PPP2R2B: variants seen among roughly 807,000 people sequenced by gnomAD.
PPP2R2B encodes the protein protein phosphatase 2 regulatory subunit Bbeta, also known as serine/threonine-protein phosphatase 2A 55 kDa regulatory subunit B beta isoform.
In PPP2R2B, 5 loss-of-function variants were observed where a neutral mutation model predicts 46.0. That is an observed-to-expected ratio of 0.11 (90% CI 0.06 to 0.23). The LOEUF is 0.23. Ranked by LOEUF, PPP2R2B falls within the 10% of genes least tolerant of loss-of-function variation. The pLI is 1.00. For missense variants in PPP2R2B, 367 were observed against 575.0 expected (o/e 0.64, Z 3.70); for synonymous variants, 215 against 206.7 (o/e 1.04, Z -0.34).
At chr5:146,954,975 A>T (rs1751818136) in intron 1 of PPP2R2B, among the ~76,000 whole-genome samples, 4 of 152,178 alleles carry the variant, frequency 2.6e-5, no homozygotes, top group South Asian at 4.1e-4. Context: ...CTGTATAGGA[A>T]GAACCATGAT....
chr5:146,964,706 T>C (rs1239356740), intron 1 of PPP2R2B, among the ~76,000 whole-genome samples: 1 of 152,020 alleles, frequency 6.6e-6, no homozygotes, highest in Non-Finnish European at 1.5e-5. Flanking sequence ...TTTGTATTTT[T>C]AGTAGAGACA....
intron 5 of PPP2R2B, among the ~76,000 whole-genome samples, chr5:146,668,536 G>A (rs1777146152): frequency 6.6e-6 from 1 of 152,046 alleles, no homozygotes; most frequent in African/African-American, 2.4e-5. Flanking sequence ...AATTTATCCT[G>A]AACTGAAGAA....
rs1327920417 is a variant in PPP2R2B, at chr5:146,989,237, T to G, written c.79+66428A>C. Reference sequence around the variant, plus strand: ...AAAAAGCTAAAGTGAACCGAATAGTTCCATATTCATTCTACAAGGCCAGCA... The same window carrying G: ...AAAAAGCTAAAGTGAACCGAATAGTGCCATATTCATTCTACAAGGCCAGCA... On this transcript the variant is annotated intron_variant, in intron 1 of 8. Coordinates refer to the PPP2R2B transcript ENST00000336640. Among the ~76,000 whole-genome samples, 985 of 152,000 alleles carry G rather than the reference T, an allele frequency of 6.5e-3. 7 individuals carry two copies. Among genetic ancestry groups the G allele is most frequent in the African/African-American group, 0.023 (941 of 41,496 alleles).
intron 1 of PPP2R2B, among the ~76,000 whole-genome samples, chr5:147,012,533 C>T (rs1265780804): frequency 6.6e-6 from 1 of 152,096 alleles, no homozygotes; most frequent in Non-Finnish European, 1.5e-5. Flanking sequence ...AAACCAGCTC[C>T]TGGATTCATT....
chr5:146,727,284 G>GAT (rs1751934382), intron 2 of PPP2R2B, among the ~76,000 whole-genome samples: 5 of 149,964 alleles, frequency 3.3e-5, no homozygotes, highest in Admixed American at 3.3e-4. Context: ...AAGTCTTAAA[G>GAT]GGTAGGATTA....
At chr5:146,713,112 G>A (rs1346003616) in intron 2 of PPP2R2B, among the ~76,000 whole-genome samples, 1 of 152,174 alleles carries the variant, frequency 6.6e-6, no homozygotes, top group Non-Finnish European at 1.5e-5. Context: ...CATTTTCAGG[G>A]AGGCTGCAAT....
intron 9 of PPP2R2B, among the ~76,000 whole-genome samples, chr5:146,592,447 T>C (rs1176254492): frequency 6.6e-6 from 1 of 152,218 alleles, no homozygotes; most frequent in East Asian, 1.9e-4. Flanking sequence ...AAATGAACTA[T>C]TGGGAGGTAT....
chr5:146,794,719 T>C (rs1413439345), intron 2 of PPP2R2B, among the ~76,000 whole-genome samples: 1 of 152,208 alleles, frequency 6.6e-6, no homozygotes, highest in Admixed American at 6.5e-5. Flanking sequence ...CATTACCAAC[T>C]GTTTGCACAT....
At chr5:146,640,609 C>T (rs1561795493) in intron 6 of PPP2R2B, among the ~76,000 whole-genome samples, 1 of 152,184 alleles carries the variant, frequency 6.6e-6, no homozygotes, top group Non-Finnish European at 1.5e-5. Context: ...CTCTTTTCTC[C>T]AAATAGGGAA....
chr5:146,650,787 A>C (rs1427517001), intron 5 of PPP2R2B, 63 bp from the exon 6 acceptor site: 1 of 1,448,366 alleles, frequency 6.9e-7, no homozygotes, highest in East Asian at 2.3e-5. Context: ...AAGAGTGTGC[A>C]TGCTAATATC....
chr5:146,711,768 G>C (rs1780223644), intron 2 of PPP2R2B, among the ~76,000 whole-genome samples: 1 of 152,184 alleles, frequency 6.6e-6, no homozygotes, highest in African/African-American at 2.4e-5. Context: ...TTGCCCTTGT[G>C]AAACTCTCAG....
chr5:147,072,513 T>C (rs1314540273), intron 2 of PPP2R2B, among the ~76,000 whole-genome samples: 1 of 152,192 alleles, frequency 6.6e-6, no homozygotes, highest in African/African-American at 2.4e-5. Flanking sequence ...ATAACAACTC[T>C]GAGGTCAGAC....
intron 2 of PPP2R2B, among the ~76,000 whole-genome samples, chr5:146,746,446 C>T (rs779772812): frequency 1.3e-5 from 2 of 152,070 alleles, no homozygotes; most frequent in Non-Finnish European, 2.9e-5. Context: ...CAGCCAGAAT[C>T]AGAGGCCAGA....
At chr5:147,060,336 C>T (rs1369980961), upstream of PPP2R2B, among the ~76,000 whole-genome samples, 1 of 152,198 alleles carries the variant, frequency 6.6e-6, no homozygotes, top group African/African-American at 2.4e-5. Context: ...AGATAAAATA[C>T]CTACTCTCAG....
At chr5:146,763,714 A>G (rs1188942940) in intron 2 of PPP2R2B, among the ~76,000 whole-genome samples, 4 of 152,294 alleles carry the variant, frequency 2.6e-5, no homozygotes, top group Non-Finnish European at 5.9e-5. Context: ...CTGGGACCCA[A>G]AAATGAGTTA....
At chr5:146,818,649 T>C (rs1400310432) in intron 2 of PPP2R2B, among the ~76,000 whole-genome samples, 3 of 152,200 alleles carry the variant, frequency 2.0e-5, no homozygotes, top group East Asian at 1.9e-4. Flanking sequence ...ACCCATGATA[T>C]AGTTTCATTT....
intron 2 of PPP2R2B, among the ~76,000 whole-genome samples, chr5:146,874,156 A>G (rs775569631): frequency 1.3e-5 from 2 of 152,220 alleles, no homozygotes; most frequent in African/African-American, 2.4e-5. Flanking sequence ...AATATCACTT[A>G]TCACAATTGG....
rs1425485016 is a variant in PPP2R2B at position 146,580,974 on chromosome 5, C to T, written c.*8973G>A. On this transcript the variant is annotated 3_prime_UTR_variant, in exon 10 of 10. Transcript: ENST00000394411. ...GAAAAAATCAGCTTTTTGAGCTGAA[C>T]TTTCTTGTTCCATGATGGATACTTT... Among the ~76,000 whole-genome samples, 1 of 151,962 alleles carries T rather than the reference C, an allele frequency of 6.6e-6. No homozygotes were observed. Among genetic ancestry groups the T allele is most frequent in the Non-Finnish European group, 1.5e-5 (1 of 67,986 alleles).
intron 1 of PPP2R2B, among the ~76,000 whole-genome samples, chr5:147,028,897 T>C (rs1293254802): frequency 2.0e-5 from 3 of 152,220 alleles, no homozygotes; most frequent in Non-Finnish European, 2.9e-5. Flanking sequence ...TATTCCATTG[T>C]GGCTTTAATG....
Sources: allele counts gnomAD v4.1 joint callset (sites outside exome capture counted in the v4.1 genomes callset), GRCh38; gene constraint gnomAD v4.1.1; transcripts MANE v1.5; gene names NCBI Gene and HGNC (gene_info 2026-07-23, HGNC 2026-07-21).